The following CDYL variants were observed in gnomAD, a reference collection of about 807,000 sequenced individuals.
CDYL encodes chromodomain Y-like protein.
A neutral mutation model predicts 47.3 loss-of-function variants in CDYL; 8 were observed. The observed-to-expected ratio is 0.17, with a 90% CI of 0.10 to 0.31. CDYL has a LOEUF of 0.31. CDYL is among the 10% of genes least tolerant of loss of function. The pLI is 1.00. For synonymous variants in CDYL, 266 were observed against 265.0 expected (o/e 1.00, Z -0.04); for missense variants, 471 against 701.4 (o/e 0.67, Z 3.71).
intron 1 of CDYL, among the ~76,000 whole-genome samples, chr6:4,792,467 T>C (rs1267988733): frequency 2.0e-5 from 3 of 151,614 alleles, no homozygotes; most frequent in Admixed American, 2.0e-4. Flanking sequence ...AGTCTCACTC[T>C]GTTGCCCAGG....
intron 1 of CDYL, among the ~76,000 whole-genome samples, chr6:4,712,735 A>C (rs1224888814): frequency 6.6e-6 from 1 of 152,244 alleles, no homozygotes; most frequent in Non-Finnish European, 1.5e-5. Flanking sequence ...GCTCCCATTT[A>C]TGAGAAACTG....
chr6:4,803,978 G>C (rs185202004), intron 1 of CDYL, among the ~76,000 whole-genome samples: 1,840 of 134,004 alleles, frequency 0.014, 37 homozygotes, highest in African/African-American at 0.05. Flanking sequence ...GGCGTAGCGT[G>C]CTTTTTTTTT....
chr6:4,877,675 A>G (rs1761657064), intron 1 of CDYL, among the ~76,000 whole-genome samples: 1 of 152,198 alleles, frequency 6.6e-6, no homozygotes, highest in African/African-American at 2.4e-5. Context: ...CTCTTGTTTC[A>G]TTGATGTCTT....
intron 2 of CDYL, among the ~76,000 whole-genome samples, chr6:4,912,081 A>G (rs1050707734): frequency 2.0e-5 from 3 of 152,202 alleles, no homozygotes; most frequent in Non-Finnish European, 2.9e-5. Context: ...TGACATCCAT[A>G]TGGAGCTGTA....
At chr6:4,776,876 C>G (rs1052230003) in intron 1 of CDYL, 69 bp downstream of exon 1, 9 of 735,550 alleles carry the variant, frequency 1.2e-5, no homozygotes, top group South Asian at 5.8e-5. Context: ...CCGCGCCGCC[C>G]GACGGCCCCG....
chr6:4,739,136 G>A (rs1458275670), intron 3 of CDYL, among the ~76,000 whole-genome samples: 1 of 150,764 alleles, frequency 6.6e-6, no homozygotes, highest in Non-Finnish European at 1.5e-5. Context: ...ACTCCAGCCT[G>A]GGCAACAAGA....
At chr6:4,865,402 CATAAG>C (rs1761293202) in intron 1 of CDYL, among the ~76,000 whole-genome samples, 1 of 152,094 alleles carries the variant, frequency 6.6e-6, no homozygotes, top group Admixed American at 6.5e-5. Flanking sequence ...CTGCATCAGG[CATAAG>C]AACCCCTTCC....
chr6:4,932,017 G>A (rs1758046807), intron 2 of CDYL, among the ~76,000 whole-genome samples: 1 of 152,202 alleles, frequency 6.6e-6, no homozygotes, highest in African/African-American at 2.4e-5. Context: ...GAAGCCACCA[G>A]GAAAACTGCT....
chr6:4,840,400 TTTC>T (rs1336960876), intron 1 of CDYL, among the ~76,000 whole-genome samples: 6 of 152,198 alleles, frequency 3.9e-5, no homozygotes, highest in African/African-American at 1.4e-4. Flanking sequence ...CCTTTCTTTC[TTTC>T]TTTTGTTTGA....
At chr6:4,724,157 C>A (rs1275422739) in intron 2 of CDYL, among the ~76,000 whole-genome samples, 10 of 152,184 alleles carry the variant, frequency 6.6e-5, no homozygotes, top group African/African-American at 2.4e-4. Flanking sequence ...TCTCCTGCCT[C>A]AGCTTCCGAA....
intron 3 of CDYL, among the ~76,000 whole-genome samples, chr6:4,738,685 C>G (rs955206283): frequency 2.0e-5 from 3 of 152,170 alleles, no homozygotes; most frequent in Non-Finnish European, 4.4e-5. Flanking sequence ...TGAAGAAACA[C>G]TTGTACATGT....
At chr6:4,797,848 G>A (rs1480144451) in intron 1 of CDYL, among the ~76,000 whole-genome samples, 2 of 152,156 alleles carry the variant, frequency 1.3e-5, no homozygotes, top group Non-Finnish European at 2.9e-5. Flanking sequence ...GGACATTTGA[G>A]TTGTTTCTAC....
At chr6:4,817,665 C>A (rs568486578) in intron 1 of CDYL, among the ~76,000 whole-genome samples, 1 of 152,178 alleles carries the variant, frequency 6.6e-6, no homozygotes, top group South Asian at 2.1e-4. Flanking sequence ...TCTTGAGGGC[C>A]TAAATCTCAT....
intron 2 of CDYL, among the ~76,000 whole-genome samples, chr6:4,729,810 C>A (rs545592515): frequency 2.0e-4 from 31 of 152,136 alleles, no homozygotes; most frequent in African/African-American, 7.5e-4. Flanking sequence ...CCCAGCTACT[C>A]AGGAGGCTGA....
Position 4,776,864 on chromosome 6 carries a change from G to T in CDYL, c.24+57G>T, listed in dbSNP as rs867516887. On this transcript the variant is annotated intron_variant, in intron 1 of 6. Transcript: ENST00000397588. ...CCCCGCCCGCCGCCCCTCCCGGCCC[G>T]GCCGCGCCGCCCGACGGCCCCGCTC... The T allele has an allele frequency of 4.2e-3, 3,197 of 762,980 alleles. 69 individuals carry two copies. The African/African-American group carries it at 0.056, about 13-fold the overall frequency. The allele number at this position is 762,980 out of a possible 1,614,324, so 47.3% of individuals were successfully genotyped here.
intron 3 of CDYL, among the ~76,000 whole-genome samples, chr6:4,752,502 G>A (rs144075888): frequency 7.2e-5 from 11 of 152,212 alleles, no homozygotes; most frequent in African/African-American, 2.2e-4. Flanking sequence ...AGATGGGGTC[G>A]AAATCAGGAT....
chr6:4,840,111 T>A (rs149083539), intron 1 of CDYL, among the ~76,000 whole-genome samples: 3,509 of 152,268 alleles, frequency 0.023, 141 homozygotes, highest in African/African-American at 0.08. Context: ...TGTTTTGTAG[T>A]TTTTCTTGTA....
At chr6:4,953,473 A>C (rs1758770731) in intron 6 of CDYL, among the ~76,000 whole-genome samples, 1 of 152,210 alleles carries the variant, frequency 6.6e-6, no homozygotes, top group Admixed American at 6.5e-5. Context: ...GTATAATATT[A>C]ACTGACACGA....
intron 2 of CDYL, among the ~76,000 whole-genome samples, chr6:4,733,851 C>CTTT (rs3054896): frequency 7.6e-6 from 1 of 131,894 alleles, no homozygotes; most frequent in Non-Finnish European, 1.6e-5. Flanking sequence ...TTTTCTTCTT[C>CTTT]TTTTTTTTTT....
Sources: gnomAD v4.1 joint callset for allele counts (sites outside exome capture counted in the v4.1 genomes callset) on GRCh38, gnomAD v4.1.1 for gene constraint, MANE v1.5 for transcripts, NCBI Gene and HGNC (gene_info 2026-07-23, HGNC 2026-07-21) for gene names.